The following ELF2 variants were observed in gnomAD, a reference collection of about 807,000 sequenced individuals.
ELF2 encodes E74 like ETS transcription factor 2.
In ELF2, 11 loss-of-function variants were observed where a neutral mutation model predicts 54.8. The ratio of observed to expected loss-of-function variants is 0.20; its 90% CI spans 0.13 to 0.33. The LOEUF is 0.33. ELF2 is among the 10% of genes least tolerant of loss of function. The pLI, the probability that ELF2 is intolerant of heterozygous loss-of-function variation, is 1.00. For missense variants in ELF2, 513 were observed against 703.0 expected, an observed-to-expected ratio of 0.73 and a Z score of 3.06; for synonymous variants, 203 against 245.1, an observed-to-expected ratio of 0.83 and a Z score of 1.61.
At chr4:139,139,317 G>T in intron 2 of ELF2, 96 bp downstream of exon 2, 1 of 633,664 alleles carries the variant, frequency 1.6e-6, no homozygotes, top group Non-Finnish European at 2.2e-6. Context: ...ATCTTAAGAA[G>T]AAAAAATAAT....
chr4:139,118,162 T>C (rs1735947746), intron 4 of ELF2, among the ~76,000 whole-genome samples: 3 of 152,132 alleles, frequency 2.0e-5, no homozygotes, highest in Admixed American at 2.0e-4. Context: ...GAAAAAAGTA[T>C]GGTCTCCGTC....
In ELF2 at chr4:139,058,706, T is replaced by A. The variant is rs183732724; in HGVS notation, c.*277A>T. The A allele has an allele frequency of 3.0e-6, 1 of 332,556 alleles. No individual in the cohort carries two copies. Among genetic ancestry groups the A allele is most frequent in the Non-Finnish European group, 5.5e-6 (1 of 182,456 alleles). 20.6% of individuals were successfully genotyped at this position (332,556 alleles called of 1,614,324 possible). A position where few individuals can be genotyped will look rare whatever the true frequency, so the allele number is the denominator to read the frequency against. On this transcript the variant is annotated 3_prime_UTR_variant, in exon 10 of 10. Coordinates refer to ENST00000686138, the MANE Select transcript of ELF2 (RefSeq NM_001331036.3). ...TTCCAAGTCTTAGTGTAACTTGATA[T>A]CGTAGTGAGCTGCTTGGTCCCTTTC...
intron 4 of ELF2, chr4:139,102,191 T>A (rs968710560): frequency 2.0e-5 from 3 of 151,622 alleles, no homozygotes; most frequent in African/African-American, 7.3e-5. Flanking sequence ...GGGAAAAAAA[T>A]TCAGATTTTC....
intron 1 of ELF2, among the ~76,000 whole-genome samples, chr4:139,141,150 A>G (rs1738658294): frequency 6.6e-6 from 1 of 152,176 alleles, no homozygotes; most frequent in African/African-American, 2.4e-5. Context: ...ACAAGAATAC[A>G]AATGGAAGCC....
chr4:139,132,841 CAT>C (rs58765596), intron 3 of ELF2, among the ~76,000 whole-genome samples: 20,538 of 114,430 alleles, frequency 0.18, 1,850 homozygotes, highest in East Asian at 0.39. Context: ...TATTACTTTA[CAT>C]ATATATATAT....
intron 1 of ELF2, among the ~76,000 whole-genome samples, chr4:139,176,404 C>G (rs980480238): frequency 2.6e-5 from 4 of 152,188 alleles, no homozygotes; most frequent in Admixed American, 1.3e-4. Context: ...AGCGCCCCCC[C>G]CCGCCTGCCC....
chr4:139,089,238 TC>T lies in ELF2; in HGVS notation c.239-15672del, dbSNP rs79670077. On this transcript the variant is annotated intron_variant, in intron 4 of 9. Transcript: ENST00000686138. ...TTCATTTATTTATCAATAACCATCA[TC>T]TTACCAGGTTAGAAATCTTAGTCAT... Among the ~76,000 whole-genome samples, 92 of 152,334 alleles carry T rather than the reference TC, an allele frequency of 6.0e-4. 1 individual carries two copies. The East Asian group carries it at 0.015, about 25-fold the overall frequency.
intron 9 of ELF2, 31 bp downstream of exon 9, chr4:139,060,293 T>C (rs1727640069): frequency 6.6e-7 from 1 of 1,516,372 alleles, no homozygotes; most frequent in Non-Finnish European, 8.8e-7. Flanking sequence ...AAAAAGTAAA[T>C]ACATTGTAAC....
intron 4 of ELF2, among the ~76,000 whole-genome samples, chr4:139,092,417 AT>A (rs879823655): frequency 0.077 from 4,332 of 56,528 alleles, 237 homozygotes; most frequent in Middle Eastern, 0.1. Flanking sequence ...CATAACATAC[AT>A]AACATAACAT....
chr4:139,075,998 A>G (rs1334244386), intron 4 of ELF2, among the ~76,000 whole-genome samples: 3 of 152,188 alleles, frequency 2.0e-5, no homozygotes, highest in Admixed American at 2.0e-4. Flanking sequence ...TAAGCACTAT[A>G]CACTAACGAT....
At chr4:139,176,793 C>T (rs1489589032) in intron 1 of ELF2, among the ~76,000 whole-genome samples, 174 bp downstream of exon 1, 3 of 152,114 alleles carry the variant, frequency 2.0e-5, no homozygotes, top group African/African-American at 7.2e-5. Context: ...TTCCCCCAGC[C>T]CCCGGCCGGT....
chr4:139,114,622 C>T (rs1735382801), intron 4 of ELF2, among the ~76,000 whole-genome samples: 1 of 134,302 alleles, frequency 7.4e-6, no homozygotes, highest in Non-Finnish European at 1.6e-5. Context: ...TCAGCACTGA[C>T]ATGGATTTTT....
At chr4:139,126,476 A>C (rs1237863133) in intron 3 of ELF2, among the ~76,000 whole-genome samples, 4 of 152,186 alleles carry the variant, frequency 2.6e-5, no homozygotes, top group Non-Finnish European at 1.5e-5. Flanking sequence ...GAAAGGACCC[A>C]CCAAGTGTCT....
intron 9 of ELF2, among the ~76,000 whole-genome samples, chr4:139,059,849 C>CT (rs780513254): frequency 0.023 from 3,308 of 141,898 alleles, 49 homozygotes; most frequent in African/African-American, 0.047. Context: ...AAGACATCTA[C>CT]TTTTTTTTTT....
chr4:139,149,949 C>T (rs1472034598), intron 1 of ELF2, among the ~76,000 whole-genome samples: 2 of 152,144 alleles, frequency 1.3e-5, no homozygotes, highest in Non-Finnish European at 1.5e-5. Context: ...AGTCACAGCA[C>T]TTACGAAGGC....
chr4:139,121,088 A>G (rs1206390226), intron 4 of ELF2, among the ~76,000 whole-genome samples: 1 of 145,602 alleles, frequency 6.9e-6, no homozygotes, highest in African/African-American at 2.6e-5. Flanking sequence ...TTTTGAATAT[A>G]ACACAGATTT....
chr4:139,132,145 A>G (rs891446786), intron 3 of ELF2, among the ~76,000 whole-genome samples: 1 of 152,216 alleles, frequency 6.6e-6, no homozygotes, highest in Non-Finnish European at 1.5e-5. Context: ...GATCCTGGTA[A>G]TTAAGAAATA....
At chr4:139,086,212 A>G (rs1173632985) in intron 4 of ELF2, among the ~76,000 whole-genome samples, 1 of 37,206 alleles carries the variant, frequency 2.7e-5, no homozygotes, top group Non-Finnish European at 5.9e-5. Flanking sequence ...GAATAGGAAG[A>G]GGCCAAGCTG....
intron 3 of ELF2, among the ~76,000 whole-genome samples, chr4:139,131,645 T>G (rs906923051): frequency 2.6e-5 from 4 of 152,200 alleles, no homozygotes; most frequent in African/African-American, 9.7e-5. Context: ...AAATGCCGTT[T>G]GGCAGGCTTT....
Sources: gnomAD v4.1 joint callset for allele counts (sites outside exome capture counted in the v4.1 genomes callset) on GRCh38, gnomAD v4.1.1 for gene constraint, MANE v1.5 for transcripts, NCBI Gene and HGNC (gene_info 2026-07-23, HGNC 2026-07-21) for gene names.